The following AOAH variants were observed in gnomAD, a reference collection of about 807,000 sequenced individuals.
The protein encoded by AOAH is acyloxyacyl hydrolase (neutrophil).
In AOAH, 64 loss-of-function variants were observed where a neutral mutation model predicts 92.2. The observed-to-expected ratio is 0.69, with a 90% CI of 0.57 to 0.86. The LOEUF (loss-of-function observed/expected upper bound fraction) is 0.86. Among genes scored for constraint, AOAH ranks in the 40% least tolerant of loss-of-function variants. The pLI is 0.00. For synonymous variants in AOAH, 263 were observed against 254.5 expected (o/e 1.03, Z -0.32); for missense variants, 656 against 694.6 (o/e 0.94, Z 0.62).
intron 13 of AOAH, among the ~76,000 whole-genome samples, chr7:36,573,678 A>T (rs987072453): frequency 1.3e-5 from 2 of 152,138 alleles, no homozygotes; most frequent in Non-Finnish European, 2.9e-5. Context: ...AGATCGCACC[A>T]CTGCACTCCA....
rs576848573 is a variant in AOAH at position 36,616,694 on chromosome 7, A to C, written c.752-220T>G. Among the ~76,000 whole-genome samples, 10 of 152,332 alleles carry C rather than the reference A, an allele frequency of 6.6e-5. No homozygotes were observed. In the South Asian group the frequency reaches 2.1e-3, roughly 32 times the overall value. On this transcript the variant is annotated intron_variant, in intron 10 of 20. Coordinates refer to ENST00000617537, the MANE Select transcript of AOAH (RefSeq NM_001637.4). ...TGGAGCTGCTAGCTAAGATGTAGAG[A>C]TGCAGGTGTGTTTCCCAGCTCAGCA...
chr7:36,715,840 A>T (rs1799125920), intron 1 of AOAH, among the ~76,000 whole-genome samples: 1 of 152,062 alleles, frequency 6.6e-6, no homozygotes, highest in Admixed American at 6.6e-5. Flanking sequence ...TGGATTAAAG[A>T]CTTAAATGTT....
At chr7:36,642,971 C>T (rs1794004094) in intron 4 of AOAH, among the ~76,000 whole-genome samples, 1 of 152,086 alleles carries the variant, frequency 6.6e-6, no homozygotes, top group South Asian at 2.1e-4. Context: ...GAGATAATAG[C>T]GTTGTGAGGA....
chr7:36,630,992 T>C (rs1793035197), intron 6 of AOAH, among the ~76,000 whole-genome samples: 1 of 152,190 alleles, frequency 6.6e-6, no homozygotes, highest in Non-Finnish European at 1.5e-5. Flanking sequence ...GTTCAGCATC[T>C]GGCACCTGGA....
Position 36,724,433 on chromosome 7 carries a change from A to G in AOAH, c.-285T>C. ...GGTGTGCGGTTCTGCTGAGGTAAAG[A>G]CTGCAGGATAAAGAAAACCCAAGTT... On this transcript the variant is annotated 5_prime_UTR_variant, in exon 1 of 21. Transcript: ENST00000617537. 1 of 278,058 alleles carries G rather than the reference A, an allele frequency of 3.6e-6. No homozygotes were observed. The highest frequency in any genetic ancestry group is 4.2e-5 in the South Asian group (1 of 23,688). 17.2% of individuals were successfully genotyped at this position (278,058 alleles called of 1,614,324 possible). A position where few individuals can be genotyped will look rare whatever the true frequency, so the allele number is the denominator to read the frequency against.
intron 4 of AOAH, among the ~76,000 whole-genome samples, chr7:36,650,974 G>C (rs1036062859): frequency 1.3e-5 from 2 of 152,202 alleles, no homozygotes; most frequent in Admixed American, 6.5e-5. Flanking sequence ...AGGGGAACAA[G>C]GCGCTGGCCA....
intron 1 of AOAH, among the ~76,000 whole-genome samples, chr7:36,700,497 T>C (rs1797963270): frequency 6.6e-6 from 1 of 152,208 alleles, no homozygotes; most frequent in Non-Finnish European, 1.5e-5. Flanking sequence ...GCAAAAGACA[T>C]GATTTCATTC....
intron 6 of AOAH, among the ~76,000 whole-genome samples, chr7:36,629,166 C>A (rs896081093): frequency 6.6e-6 from 1 of 152,140 alleles, no homozygotes; most frequent in Admixed American, 6.5e-5. Flanking sequence ...AAGCACTGAA[C>A]CAGTTGTGAC....
chr7:36,602,907 T>C (rs1790714212), intron 11 of AOAH, among the ~76,000 whole-genome samples: 1 of 152,166 alleles, frequency 6.6e-6, no homozygotes, highest in African/African-American at 2.4e-5. Context: ...TCATTTTCTT[T>C]CTCTCCGCTC....
intron 13 of AOAH, among the ~76,000 whole-genome samples, chr7:36,562,498 A>C (rs979705372): frequency 6.6e-6 from 1 of 152,224 alleles, no homozygotes; most frequent in Non-Finnish European, 1.5e-5. Flanking sequence ...TTATTTGTCA[A>C]GATGGTCCAA....
chr7:36,558,129 G>T (rs1013814488), intron 13 of AOAH, among the ~76,000 whole-genome samples: 4 of 152,046 alleles, frequency 2.6e-5, no homozygotes, highest in African/African-American at 9.7e-5. Context: ...TCTACTTTTG[G>T]TCTTTGATGA....
At chr7:36,713,344 T>A (rs1241196726) in intron 1 of AOAH, among the ~76,000 whole-genome samples, 1 of 152,032 alleles carries the variant, frequency 6.6e-6, no homozygotes, top group Admixed American at 6.5e-5. Context: ...CTTAGAGACC[T>A]ACAAAGAGAC....
At chr7:36,577,851 TATA>T (rs1272190569) in intron 12 of AOAH, among the ~76,000 whole-genome samples, 2 of 152,222 alleles carry the variant, frequency 1.3e-5, no homozygotes, top group Non-Finnish European at 2.9e-5. Flanking sequence ...TTCTTTTCAT[TATA>T]ATAAGTTCAC....
rs1798809225 is a variant in AOAH, at chr7:36,712,168, T to C, written c.127+11854A>G. Among the ~76,000 whole-genome samples, 2 of 152,230 alleles carry C rather than the reference T, an allele frequency of 1.3e-5. 1 individual carries two copies. Among genetic ancestry groups the C allele is most frequent in the South Asian group, 4.1e-4 (2 of 4,830 alleles). On this transcript the variant is annotated intron_variant, in intron 1 of 20. Coordinates refer to ENST00000617537, the MANE Select transcript of AOAH (RefSeq NM_001637.4). The stretch of plus-strand genomic sequence containing the variant: ...TCTGTCTAAATCCTTCCTATTCTTG[T>C]CAGTGACACTGTTATTTTATTGCTC...
At chr7:36,621,965 T>C (rs938630486) in intron 7 of AOAH, among the ~76,000 whole-genome samples, 185 bp from the exon 8 acceptor site, 22 of 152,120 alleles carry the variant, frequency 1.4e-4, no homozygotes, top group Non-Finnish European at 1.5e-4. Flanking sequence ...GTGAGTGACA[T>C]GTAATATAAC....
intron 11 of AOAH, among the ~76,000 whole-genome samples, chr7:36,603,628 C>T (rs1162965139): frequency 6.6e-6 from 1 of 152,146 alleles, no homozygotes; most frequent in Non-Finnish European, 1.5e-5. Flanking sequence ...CTCAGTTCTG[C>T]TGTTGTCATA....
At chr7:36,551,580 C>T (rs912214411) in intron 13 of AOAH, among the ~76,000 whole-genome samples, 1 of 152,242 alleles carries the variant, frequency 6.6e-6, no homozygotes, top group Non-Finnish European at 1.5e-5. Context: ...ACGCATTTAA[C>T]TATTCTAGGC....
intron 2 of AOAH, among the ~76,000 whole-genome samples, chr7:36,677,697 ACTC>A (rs1364917815): frequency 2.0e-5 from 3 of 152,152 alleles, no homozygotes; most frequent in Admixed American, 6.5e-5. Flanking sequence ...AGAAATGTAA[ACTC>A]CTCAAATACC....
At chr7:36,641,824 A>G (rs1229337792) in intron 4 of AOAH, among the ~76,000 whole-genome samples, 1 of 152,192 alleles carries the variant, frequency 6.6e-6, no homozygotes, top group Non-Finnish European at 1.5e-5. Context: ...TAGAAGAAAT[A>G]ACATTGACTG....
Sources: allele counts gnomAD v4.1 joint callset (sites outside exome capture counted in the v4.1 genomes callset), GRCh38; gene constraint gnomAD v4.1.1; transcripts MANE v1.5; gene names NCBI Gene and HGNC (gene_info 2026-07-23, HGNC 2026-07-21).